NCAM1: variants seen among roughly 807,000 people sequenced by gnomAD.
NCAM1 encodes neural cell adhesion molecule 1, also known as antigen recognized by monoclonal antibody 5.1H11.
A neutral mutation model predicts 109.8 loss-of-function variants in NCAM1; 14 were observed. The observed-to-expected ratio is 0.13, with a 90% CI of 0.08 to 0.20. NCAM1 has a LOEUF of 0.20. Ranked by LOEUF, NCAM1 falls within the 10% of genes least tolerant of loss-of-function variation. The pLI, the probability that NCAM1 is intolerant of heterozygous loss-of-function variation, is 1.00. For missense variants in NCAM1, 774 were observed against 1,109.9 expected, an observed-to-expected ratio of 0.70 and a Z score of 4.30; for synonymous variants, 418 against 442.9, an observed-to-expected ratio of 0.94 and a Z score of 0.70.
intron 14 of NCAM1, among the ~76,000 whole-genome samples, chr11:113,243,398 T>G (rs782431521): frequency 6.6e-6 from 1 of 152,114 alleles, no homozygotes; most frequent in Non-Finnish European, 1.5e-5. Flanking sequence ...TCCTGCTGTC[T>G]CCTTTCAGGC....
intron 1 of NCAM1, among the ~76,000 whole-genome samples, chr11:113,071,389 T>G (rs1352466539): frequency 1.3e-5 from 2 of 152,054 alleles, no homozygotes; most frequent in East Asian, 3.9e-4. Flanking sequence ...CCTTTCCAAT[T>G]TATTAGTTTG....
chr11:113,080,816 G>A (rs1311445823), intron 1 of NCAM1, among the ~76,000 whole-genome samples: 1 of 152,182 alleles, frequency 6.6e-6, no homozygotes, highest in African/African-American at 2.4e-5. Flanking sequence ...CATTGTATAT[G>A]TAGTTACCAA....
chr11:113,088,494 T>C (rs1939187851), intron 1 of NCAM1, among the ~76,000 whole-genome samples: 1 of 152,186 alleles, frequency 6.6e-6, no homozygotes, highest in Non-Finnish European at 1.5e-5. Context: ...TGACTGACCA[T>C]GTATCCCCGC....
chr11:113,115,016 A>T (rs1940634557), intron 1 of NCAM1, among the ~76,000 whole-genome samples: 1 of 152,220 alleles, frequency 6.6e-6, no homozygotes, highest in African/African-American at 2.4e-5. Flanking sequence ...AAAGACCGTT[A>T]TAAATCTTAG....
intron 1 of NCAM1, among the ~76,000 whole-genome samples, chr11:113,125,644 T>A (rs1555096936): frequency 6.6e-6 from 1 of 152,150 alleles, no homozygotes; most frequent in East Asian, 1.9e-4. Context: ...GGCGGTCTGC[T>A]CAGAGCCCGC....
intron 14 of NCAM1, chr11:113,235,408 G>A (rs1056010768): frequency 2.8e-5 from 23 of 816,554 alleles, no homozygotes; most frequent in Admixed American, 7.0e-5. Context: ...CAGCTTGTTA[G>A]AATAACAGTG....
Position 113,207,338 on chromosome 11 carries a change from G to A in NCAM1, c.706G>A (p.Asp236Asn), listed in dbSNP as rs782530698. The A allele has an allele frequency of 6.8e-5, 109 of 1,614,010 alleles. No homozygotes were observed. Among genetic ancestry groups the A allele is most frequent in the South Asian group, 6.0e-4 (55 of 91,084 alleles). The change falls in exon 6 of 20, where the codon GAT becomes AAT. Residue 236 changes from aspartate to asparagine, a missense_variant. Asp to Asn is a conservative substitution (Grantham distance 23, BLOSUM62 1). This residue lies in a region of NCAM1 where 523 missense variants were observed against 784.2 expected (regional missense o/e 0.67). Transcript: ENST00000316851. The part of the protein sequence containing the change: ...NLGQSVTLVC[D>N]AEGFPEPTMS... ...CGGCCAGTCCGTCACCCTGGTGTGC[G>A]ATGCCGAAGGCTTCCCAGAGCCCAC...
chr11:113,148,360 CT>C (rs34102949), intron 1 of NCAM1, among the ~76,000 whole-genome samples: 1 of 141,358 alleles, frequency 7.1e-6, no homozygotes, highest in Non-Finnish European at 1.5e-5. Context: ...GTTTGCGGAG[CT>C]TTTTTTTTTT....
At chr11:113,202,509 A>G in intron 2 of NCAM1, 56 bp downstream of exon 2, 1 of 1,493,862 alleles carries the variant, frequency 6.7e-7, no homozygotes, top group Non-Finnish European at 9.1e-7. Flanking sequence ...CTCACTGGGT[A>G]GAGCAGGAGC....
intron 1 of NCAM1, among the ~76,000 whole-genome samples, chr11:113,060,678 A>G (rs782553112): frequency 1.3e-5 from 2 of 152,202 alleles, no homozygotes; most frequent in East Asian, 1.9e-4. Flanking sequence ...CTGAATCTCA[A>G]TTTTTTGGTT....
intron 16 of NCAM1, 34 bp downstream of exon 16, chr11:113,256,035 C>T: frequency 6.4e-7 from 1 of 1,574,644 alleles, no homozygotes; most frequent in Non-Finnish European, 8.6e-7. Flanking sequence ...TCACCAGAAC[C>T]CTGCAACCCT....
chr11:113,202,344 TTTTTGTTTTG>T (rs5794855), intron 1 of NCAM1, 25 bp from the exon 2 acceptor site: 29 of 1,522,372 alleles, frequency 1.9e-5, no homozygotes, highest in Admixed American at 1.8e-4. Context: ...TTTTTTTTGT[TTTTTGTTTTG>T]TTTTGTTTTG....
intron 1 of NCAM1, among the ~76,000 whole-genome samples, chr11:113,196,728 C>A (rs1408899420): frequency 2.6e-5 from 4 of 152,170 alleles, no homozygotes; most frequent in African/African-American, 9.7e-5. Context: ...GTAGTCTGGG[C>A]TGGTGTCCTT....
chr11:113,050,482 T>C (rs970733539), intron 1 of NCAM1, among the ~76,000 whole-genome samples: 2 of 152,194 alleles, frequency 1.3e-5, no homozygotes, highest in Non-Finnish European at 2.9e-5. Context: ...GAATATCAGT[T>C]GGTTGTAGAT....
chr11:113,034,278 T>C (rs1227426541), intron 1 of NCAM1, among the ~76,000 whole-genome samples: 3 of 152,006 alleles, frequency 2.0e-5, no homozygotes, highest in Non-Finnish European at 2.9e-5. Flanking sequence ...CAATAGACTT[T>C]TTTTTTTTCA....
chr11:113,164,547 T>C (rs1470217794), intron 1 of NCAM1, among the ~76,000 whole-genome samples: 1 of 152,186 alleles, frequency 6.6e-6, no homozygotes, highest in African/African-American at 2.4e-5. Context: ...GGTTCCATGA[T>C]TGCTAGGATG....
intron 1 of NCAM1, among the ~76,000 whole-genome samples, chr11:113,083,096 A>AT (rs1938914237): frequency 1.3e-5 from 2 of 151,872 alleles, no homozygotes; most frequent in South Asian, 4.2e-4. Context: ...CATAGGGCAA[A>AT]TTGTTAGACC....
rs563161218 is a variant in NCAM1 at position 112,979,705 on chromosome 11, C to T, written c.52+18041C>T. ...TATATGGCATTTAGCTTGAGTGACT[C>T]CATTTTGGTTTGGTCTGGTCTCTTG... On this transcript the variant is annotated intron_variant, in intron 1 of 19. Transcript: ENST00000316851. Among the ~76,000 whole-genome samples, 7 of 151,850 alleles carry T rather than the reference C, an allele frequency of 4.6e-5. No individual in the cohort carries two copies. The South Asian group carries it at 1.5e-3, about 32-fold the overall frequency.
At chr11:113,160,012 G>A (rs1327522630) in intron 1 of NCAM1, among the ~76,000 whole-genome samples, 1 of 152,018 alleles carries the variant, frequency 6.6e-6, no homozygotes, top group African/African-American at 2.4e-5. Context: ...ATTACTGTAT[G>A]TAGCTCCTTC....
Sources: allele counts gnomAD v4.1 joint callset (sites outside exome capture counted in the v4.1 genomes callset), GRCh38; gene constraint gnomAD v4.1.1; regional missense constraint gnomAD v4.1.1; transcripts MANE v1.5; gene names NCBI Gene and HGNC (gene_info 2026-07-23, HGNC 2026-07-21).